Variants in CDH2 observed in about 807,000 individuals in gnomAD.
The protein encoded by CDH2 is cadherin-2.
A neutral mutation model predicts 92.0 loss-of-function variants in CDH2; 17 were observed. That is an observed-to-expected ratio of 0.18 (90% CI 0.13 to 0.28). CDH2 has a LOEUF of 0.28. Ranked by LOEUF, CDH2 falls within the 10% of genes least tolerant of loss-of-function variation. The pLI, the probability that CDH2 is intolerant of heterozygous loss-of-function variation, is 1.00. For missense variants in CDH2, 862 were observed against 1,133.1 expected (o/e 0.76, Z 3.44); for synonymous variants, 419 against 415.9 (o/e 1.01, Z -0.09).
At chr18:28,063,573 C>T (rs2014446625) in intron 2 of CDH2, among the ~76,000 whole-genome samples, 1 of 152,192 alleles carries the variant, frequency 6.6e-6, no homozygotes, top group Non-Finnish European at 1.5e-5. Flanking sequence ...TTAACACATC[C>T]TAATAAAAAC....
intron 1 of CDH2, chr18:28,159,066 A>AT (rs2016265798): frequency 6.6e-6 from 1 of 152,184 alleles, no homozygotes; most frequent in African/African-American, 2.4e-5. Flanking sequence ...GAACTCAATA[A>AT]TTTTTTAAGC....
chr18:28,164,916 T>C (rs537753107), intron 1 of CDH2, among the ~76,000 whole-genome samples: 35 of 152,296 alleles, frequency 2.3e-4, no homozygotes, highest in African/African-American at 8.2e-4. Context: ...TTAAGGAGGA[T>C]TGTTAAAATA....
intron 6 of CDH2, among the ~76,000 whole-genome samples, chr18:27,945,669 T>C (rs1909252553): frequency 6.6e-6 from 1 of 152,166 alleles, no homozygotes; most frequent in South Asian, 2.1e-4. Context: ...ATTAACACGC[T>C]GGTGACCTGG....
At chr18:28,043,311 T>C (rs1021338253) in intron 2 of CDH2, among the ~76,000 whole-genome samples, 2 of 150,684 alleles carry the variant, frequency 1.3e-5, no homozygotes, top group African/African-American at 4.9e-5. Context: ...CGGGGAAGGG[T>C]GGGAGGCGGG....
chr18:28,095,867 C>CAATGGAA (rs2015126589), intron 2 of CDH2, among the ~76,000 whole-genome samples: 1 of 146,698 alleles, frequency 6.8e-6, no homozygotes, highest in African/African-American at 2.5e-5. Context: ...CTAAGTTCCT[C>CAATGGAA]AATGGAAATG....
chr18:28,129,418 T>C (rs1392869474), intron 2 of CDH2, among the ~76,000 whole-genome samples: 5 of 152,218 alleles, frequency 3.3e-5, no homozygotes, highest in African/African-American at 4.8e-5. Flanking sequence ...TAGGTAAACA[T>C]GAACCAAAAT....
At chr18:28,058,813 G>T (rs1040013121) in intron 2 of CDH2, among the ~76,000 whole-genome samples, 1 of 152,156 alleles carries the variant, frequency 6.6e-6, no homozygotes, top group African/African-American at 2.4e-5. Context: ...TTCCTGCTTT[G>T]ATTTGGCCCA....
chr18:28,173,334 C>G (rs888605442), intron 1 of CDH2, among the ~76,000 whole-genome samples: 1 of 151,990 alleles, frequency 6.6e-6, no homozygotes, highest in African/African-American at 2.4e-5. Context: ...TTAAGAAAAG[C>G]AAAGAAATAT....
intron 2 of CDH2, among the ~76,000 whole-genome samples, chr18:28,103,130 A>AATAAACTCCTTATATATATAT (rs2015254651): frequency 1.4e-5 from 2 of 147,970 alleles, no homozygotes; most frequent in Admixed American, 6.8e-5. Context: ...ATGCCCAATT[A>AATAAACTCCTTATATATATAT]ATAAACTCCT....
chr18:28,054,145 T>C (rs888520480), intron 2 of CDH2, among the ~76,000 whole-genome samples: 1 of 152,102 alleles, frequency 6.6e-6, no homozygotes, highest in African/African-American at 2.4e-5. Flanking sequence ...CTGGCTTCCA[T>C]AGGTAGGTAA....
intron 2 of CDH2, among the ~76,000 whole-genome samples, chr18:28,026,884 A>C (rs563887400): frequency 6.6e-6 from 1 of 152,244 alleles, no homozygotes; most frequent in South Asian, 2.1e-4. Context: ...GAAAGATTAC[A>C]CTTCTCATCT....
chr18:28,172,970 A>G (rs1054812962), intron 1 of CDH2, among the ~76,000 whole-genome samples: 8 of 152,288 alleles, frequency 5.3e-5, no homozygotes, highest in Middle Eastern at 3.4e-3. Context: ...CCCTATTAAT[A>G]ACCCTAAAGC....
At chr18:28,125,718 T>C (rs868098412) in intron 2 of CDH2, among the ~76,000 whole-genome samples, 1 of 152,140 alleles carries the variant, frequency 6.6e-6, no homozygotes, top group African/African-American at 2.4e-5. Context: ...TATTAACTCA[T>C]GTATGCACCC....
chr18:28,108,287 T>G (rs1296531600), intron 2 of CDH2, among the ~76,000 whole-genome samples: 1 of 152,198 alleles, frequency 6.6e-6, no homozygotes, highest in Non-Finnish European at 1.5e-5. Context: ...GCTTATTGGA[T>G]CTATAAATGT....
At chr18:27,977,399 T>G (rs905086961) in intron 14 of CDH2, among the ~76,000 whole-genome samples, 4 of 152,236 alleles carry the variant, frequency 2.6e-5, no homozygotes, top group African/African-American at 9.6e-5. Context: ...CTTAGGCACC[T>G]CTTAGTTATT....
At chr18:28,115,100 T>C (rs1357067465) in intron 2 of CDH2, among the ~76,000 whole-genome samples, 1 of 152,118 alleles carries the variant, frequency 6.6e-6, no homozygotes, top group East Asian at 1.9e-4. Flanking sequence ...GCTGAGAACC[T>C]TGGAGTGGCA....
At chr18:28,150,454 T>A (rs923942855) in intron 1 of CDH2, among the ~76,000 whole-genome samples, 6 of 152,168 alleles carry the variant, frequency 3.9e-5, no homozygotes, top group Admixed American at 2.0e-4. Context: ...AAGTTCCTGG[T>A]CCAAACCCAC....
intron 2 of CDH2, among the ~76,000 whole-genome samples, chr18:28,075,998 T>A (rs1299817831): frequency 6.6e-6 from 1 of 152,172 alleles, no homozygotes; most frequent in Non-Finnish European, 1.5e-5. Flanking sequence ...CGAGCTGTTG[T>A]TATTTGTGAT....
intron 6 of CDH2, among the ~76,000 whole-genome samples, chr18:27,945,323 A>G (rs1490592452): frequency 2.0e-3 from 135 of 66,468 alleles, no homozygotes; most frequent in South Asian, 8.3e-3. Context: ...AGGAAGGAAG[A>G]TTTTTTTTTT....
Sources: gnomAD v4.1 joint callset for allele counts (sites outside exome capture counted in the v4.1 genomes callset) on GRCh38, gnomAD v4.1.1 for gene constraint, MANE v1.5 for transcripts, NCBI Gene and HGNC (gene_info 2026-07-23, HGNC 2026-07-21) for gene names.